The following ARHGAP24 variants were observed in gnomAD, a reference collection of about 807,000 sequenced individuals.
ARHGAP24 encodes the protein rho GTPase-activating protein 24.
Under a neutral mutation model 76.4 loss-of-function variants are expected in ARHGAP24, and 50 were observed. That is an observed-to-expected ratio of 0.65 (90% CI 0.52 to 0.83). The LOEUF (loss-of-function observed/expected upper bound fraction) is 0.83. ARHGAP24 is among the 40% of genes least tolerant of loss of function. The probability of loss-of-function intolerance (pLI) is 0.00; values close to 1 mark genes in which losing one functional copy is unlikely to be tolerated. For missense variants in ARHGAP24, 930 were observed against 914.2 expected, an observed-to-expected ratio of 1.02 and a Z score of -0.22; for synonymous variants, 345 against 323.3, an observed-to-expected ratio of 1.07 and a Z score of -0.72.
chr4:85,896,840 C>G (rs533168049), intron 3 of ARHGAP24, among the ~76,000 whole-genome samples: 2 of 152,236 alleles, frequency 1.3e-5, no homozygotes, highest in South Asian at 2.1e-4. Flanking sequence ...GGTTGCTGCT[C>G]AAGACATTCT....
rs143809630 is a variant in ARHGAP24, at chr4:85,986,369, C to T, written c.929-8214C>T. On this transcript the variant is annotated intron_variant, in intron 8 of 9. Transcript: ENST00000395184. ...ATGATGAAGGAATAGAGATTGTTCA[C>T]ATTTAACAACTAGAAAACCAGAAAA... 8.5e-5 allele frequency among the ~76,000 whole-genome samples: 13 copies of T among 152,216 alleles called. No individual in the cohort carries two copies. In the South Asian group the frequency reaches 1.9e-3, roughly 22 times the overall value.
intron 4 of ARHGAP24, among the ~76,000 whole-genome samples, chr4:85,931,387 G>A (rs1196027344): frequency 6.6e-5 from 10 of 152,084 alleles, no homozygotes; most frequent in Non-Finnish European, 1.5e-4. Context: ...AAGCAGCCAT[G>A]TTCTGACCCC....
chr4:85,654,786 T>C lies in ARHGAP24; in HGVS notation c.181-67099T>C, dbSNP rs186732767. Among the ~76,000 whole-genome samples the C allele has an allele frequency of 1.0e-3, 152 of 152,332 alleles. 1 individual carries two copies. The highest frequency in any genetic ancestry group is 3.5e-3 in the African/African-American group (144 of 41,584). Reference sequence around the variant, plus strand: ...TAACATTTTTACAAGTGAATATTGTTATATAGTCAGATTTATAACATTCAT... The same window carrying C: ...TAACATTTTTACAAGTGAATATTGTCATATAGTCAGATTTATAACATTCAT... On this transcript the variant is annotated intron_variant, in intron 2 of 9. Coordinates refer to ENST00000395184, the MANE Select transcript of ARHGAP24 (RefSeq NM_001025616.3).
chr4:85,909,573 C>A (rs1477140366), intron 3 of ARHGAP24, among the ~76,000 whole-genome samples: 1 of 152,094 alleles, frequency 6.6e-6, no homozygotes, highest in Non-Finnish European at 1.5e-5. Context: ...AGACAAGATG[C>A]CCCCAAACAG....
At chr4:85,981,947 G>C (rs1739693456) in intron 8 of ARHGAP24, among the ~76,000 whole-genome samples, 1 of 152,104 alleles carries the variant, frequency 6.6e-6, no homozygotes, top group African/African-American at 2.4e-5. Flanking sequence ...AGGACCATCA[G>C]AGCCCCCATT....
At chr4:85,508,748 A>G (rs1724158666) in intron 1 of ARHGAP24, among the ~76,000 whole-genome samples, 1 of 151,894 alleles carries the variant, frequency 6.6e-6, no homozygotes. Flanking sequence ...TCCCCTCTCC[A>G]CGGATCTACA....
At chr4:85,683,110 G>A (rs1398551245) in intron 2 of ARHGAP24, among the ~76,000 whole-genome samples, 1 of 95,716 alleles carries the variant, frequency 1.0e-5, no homozygotes, top group Non-Finnish European at 2.1e-5. Flanking sequence ...CTCAGTGTGT[G>A]GGGGGGTGGG....
intron 3 of ARHGAP24, among the ~76,000 whole-genome samples, chr4:85,736,075 A>G (rs1370620815): frequency 1.3e-5 from 2 of 152,128 alleles, no homozygotes; most frequent in African/African-American, 4.8e-5. Context: ...CTCTTTTTAG[A>G]ATGGCTCCTC....
At chr4:85,940,570 G>C (rs1215992408) in intron 4 of ARHGAP24, among the ~76,000 whole-genome samples, 2 of 152,114 alleles carry the variant, frequency 1.3e-5, no homozygotes, top group African/African-American at 4.8e-5. Context: ...GAAATGTCAA[G>C]GGAGAATGGG....
chr4:85,954,785 A>G (rs1319889653), intron 5 of ARHGAP24, among the ~76,000 whole-genome samples: 8 of 152,236 alleles, frequency 5.3e-5, no homozygotes, highest in Non-Finnish European at 1.2e-4. Flanking sequence ...AGGCGGGTGT[A>G]TCACCTGAGG....
chr4:85,944,529 G>A (rs751043678), intron 5 of ARHGAP24, among the ~76,000 whole-genome samples: 3 of 152,054 alleles, frequency 2.0e-5, no homozygotes, highest in African/African-American at 4.8e-5. Flanking sequence ...GCCTGTTCAC[G>A]CTGATGATAG....
At chr4:85,750,515 T>G (rs1355889782) in intron 3 of ARHGAP24, among the ~76,000 whole-genome samples, 1 of 84,982 alleles carries the variant, frequency 1.2e-5, no homozygotes, top group East Asian at 3.3e-4. Context: ...TTTTTTTTTT[T>G]GAGACAGTCT....
chr4:85,925,897 C>T (rs1019064557), intron 4 of ARHGAP24, among the ~76,000 whole-genome samples: 3 of 152,144 alleles, frequency 2.0e-5, no homozygotes, highest in African/African-American at 7.2e-5. Context: ...TCTAAAGACA[C>T]TCTTCTCCCC....
chr4:85,626,492 C>G (rs1159448999), intron 2 of ARHGAP24, among the ~76,000 whole-genome samples: 2 of 1,058 alleles, frequency 1.9e-3, no homozygotes, highest in Non-Finnish European at 3.6e-3. Flanking sequence ...TTCTCTCTGG[C>G]TGCCCTGCCC....
chr4:85,524,687 C>T (rs1349235896), intron 1 of ARHGAP24, among the ~76,000 whole-genome samples: 4 of 152,176 alleles, frequency 2.6e-5, no homozygotes, highest in Non-Finnish European at 5.9e-5. Context: ...GGCAGTGACC[C>T]TTAGTTAACT....
At chr4:85,743,825 A>C (rs1194064540) in intron 3 of ARHGAP24, among the ~76,000 whole-genome samples, 2 of 152,242 alleles carry the variant, frequency 1.3e-5, no homozygotes, top group African/African-American at 4.8e-5. Flanking sequence ...CTTAATTATA[A>C]ATAAGCAAAT....
chr4:85,504,952 A>C (rs967790603), intron 1 of ARHGAP24, among the ~76,000 whole-genome samples: 1 of 152,252 alleles, frequency 6.6e-6, no homozygotes, highest in South Asian at 2.1e-4. Context: ...TTGTTTGTAA[A>C]GGATTTTATT....
At position 85,535,073 on chromosome 4, in the gene ARHGAP24, A is replaced by T. The variant is rs145971254; in HGVS notation, c.-20-35449A>T. On this transcript the variant is annotated intron_variant, in intron 1 of 9. Coordinates refer to ENST00000395184, the MANE Select transcript of ARHGAP24 (RefSeq NM_001025616.3). The stretch of plus-strand genomic sequence containing the variant: ...ACATACATAGTCCAACTCAAACTCT[A>T]AATATGTTATTTCCTTGATTCAAAT... 6.2e-3 allele frequency among the ~76,000 whole-genome samples: 937 copies of T among 152,292 alleles called. 8 individuals are homozygous for T. Among genetic ancestry groups the T allele is most frequent in the African/African-American group, 0.021 (878 of 41,560 alleles).
At chr4:85,487,975 G>A (rs1314803300) in intron 1 of ARHGAP24, among the ~76,000 whole-genome samples, 1 of 145,438 alleles carries the variant, frequency 6.9e-6, no homozygotes, top group Non-Finnish European at 1.5e-5. Flanking sequence ...GCGTGATCTC[G>A]GCTCACTGCA....
Sources: gnomAD v4.1 joint callset for allele counts (sites outside exome capture counted in the v4.1 genomes callset) on GRCh38, gnomAD v4.1.1 for gene constraint, MANE v1.5 for transcripts, NCBI Gene and HGNC (gene_info 2026-07-23, HGNC 2026-07-21) for gene names.